The following PPARGC1A variants were observed in gnomAD, a reference collection of about 807,000 sequenced individuals.
The protein encoded by PPARGC1A is peroxisome proliferator-activated receptor gamma coactivator 1-alpha.
Under a neutral mutation model 88.7 loss-of-function variants are expected in PPARGC1A, and 25 were observed. That is an observed-to-expected ratio of 0.28 (90% CI 0.21 to 0.39). PPARGC1A has a LOEUF of 0.39. Ranked by LOEUF, PPARGC1A falls within the 10% of genes least tolerant of loss-of-function variation. The pLI is 1.00. For missense variants in PPARGC1A, 880 were observed against 968.7 expected (o/e 0.91, Z 1.22); for synonymous variants, 363 against 355.6 (o/e 1.02, Z -0.24).
chr4:23,871,511 C>G (rs1048641467), intron 2 of PPARGC1A, among the ~76,000 whole-genome samples: 1 of 152,226 alleles, frequency 6.6e-6, no homozygotes, highest in South Asian at 2.1e-4. Context: ...GCCTATCAGA[C>G]AGCATTGCCT....
chr4:24,043,203 G>C, the PPARGC1A span, among the ~76,000 whole-genome samples: 79 of 152,220 alleles, frequency 5.2e-4, 1 homozygote, highest in African/African-American at 1.7e-3. Flanking sequence ...GCCCAAAGAA[G>C]GGTTCCCTCC....
At chr4:24,178,369 T>C in the PPARGC1A span, among the ~76,000 whole-genome samples, 39 of 152,196 alleles carry the variant, frequency 2.6e-4, no homozygotes, top group Non-Finnish European at 1.0e-4. Context: ...AAATGGCATA[T>C]GGCGATTGGT....
chr4:23,912,914 G>A, the PPARGC1A span, among the ~76,000 whole-genome samples: 56 of 149,468 alleles, frequency 3.7e-4, no homozygotes, highest in Non-Finnish European at 7.4e-4. Flanking sequence ...TCAGCCTCCC[G>A]AGTAGCTGGG....
chr4:23,887,421 T>C (rs1717100059), intron 1 of PPARGC1A, among the ~76,000 whole-genome samples: 1 of 152,204 alleles, frequency 6.6e-6, no homozygotes, highest in Non-Finnish European at 1.5e-5. Context: ...ACTGTCCTCA[T>C]CTGACATGCT....
chr4:24,201,067 A>G, the PPARGC1A span, among the ~76,000 whole-genome samples: 3 of 152,256 alleles, frequency 2.0e-5, no homozygotes, highest in South Asian at 6.2e-4. Flanking sequence ...CAATGAGTAT[A>G]TTATCTGTTA....
At chr4:23,816,533 C>T (rs1722019436) in intron 7 of PPARGC1A, among the ~76,000 whole-genome samples, 1 of 139,610 alleles carries the variant, frequency 7.2e-6, no homozygotes, top group East Asian at 2.0e-4. Context: ...CTTGCAATTC[C>T]CAGCGAGATA....
the PPARGC1A span, among the ~76,000 whole-genome samples, chr4:24,003,078 T>C: frequency 6.6e-6 from 1 of 152,162 alleles, no homozygotes; most frequent in Admixed American, 6.5e-5. Context: ...GTTTGAAAAT[T>C]CAGGCCATGA....
the PPARGC1A span, among the ~76,000 whole-genome samples, chr4:23,932,318 C>T: frequency 2.0e-5 from 3 of 152,206 alleles, no homozygotes; most frequent in Non-Finnish European, 4.4e-5. Flanking sequence ...TGGCTGGGAA[C>T]TATCTAGTCC....
In PPARGC1A at chr4:23,792,036, C is replaced by T. The variant is rs1716725754; in HGVS notation, c.*3786G>A. The T allele has an allele frequency of 6.6e-6, 1 of 152,640 alleles. No homozygotes were observed. Among genetic ancestry groups the T allele is most frequent in the Admixed American group, 6.6e-5 (1 of 15,266 alleles). 9.5% of individuals were successfully genotyped at this position (152,640 alleles called of 1,614,324 possible). A position where few individuals can be genotyped will look rare whatever the true frequency, so the allele number is the denominator to read the frequency against. ...AAAGCAGAAGTAGATTTGAAACATT[C>T]GTTTCCCTTTATTAGCTCAGTGAGG... is the stretch of plus-strand genomic sequence containing the variant. On this transcript the variant is annotated 3_prime_UTR_variant, in exon 13 of 13. Coordinates refer to ENST00000264867, the MANE Select transcript of PPARGC1A (RefSeq NM_013261.5).
the PPARGC1A span, among the ~76,000 whole-genome samples, chr4:24,416,661 C>G: frequency 0.012 from 1,833 of 152,216 alleles, 26 homozygotes; most frequent in African/African-American, 0.042. Context: ...GGAACTGGCC[C>G]GTGGGAGAGG....
chr4:23,897,727 G>A (rs1437632520), intron 1 of PPARGC1A, among the ~76,000 whole-genome samples: 2 of 152,170 alleles, frequency 1.3e-5, no homozygotes, highest in African/African-American at 4.8e-5. Context: ...TCTAGAAAAA[G>A]AATACTAGAG....
At chr4:23,946,316 C>T in the PPARGC1A span, among the ~76,000 whole-genome samples, 2 of 152,128 alleles carry the variant, frequency 1.3e-5, no homozygotes, top group Non-Finnish European at 2.9e-5. Context: ...AAAGCAGGTT[C>T]TATTTTCATA....
the PPARGC1A span, among the ~76,000 whole-genome samples, chr4:24,339,237 T>TACACACACACACACACACACAC: frequency 2.2e-4 from 23 of 104,312 alleles, no homozygotes; most frequent in African/African-American, 8.8e-4. Context: ...TATATATATA[T>TACACACACACACACACACACAC]ACACACACAC....
chr4:24,446,099 A>G, the PPARGC1A span, among the ~76,000 whole-genome samples: 1 of 152,106 alleles, frequency 6.6e-6, no homozygotes, highest in Non-Finnish European at 1.5e-5. Context: ...AAAGACATTC[A>G]TCCATTCAAT....
upstream of PPARGC1A, among the ~76,000 whole-genome samples, chr4:23,901,253 C>T (rs940459213): frequency 2.0e-5 from 3 of 151,910 alleles, no homozygotes. Context: ...ACCTGTAGTC[C>T]CAGCTACTAG....
At chr4:23,948,884 G>C in the PPARGC1A span, among the ~76,000 whole-genome samples, 1 of 152,146 alleles carries the variant, frequency 6.6e-6, no homozygotes, top group Non-Finnish European at 1.5e-5. Context: ...AGATCTAAAA[G>C]GCTAGTGACC....
the PPARGC1A span, among the ~76,000 whole-genome samples, chr4:24,091,971 C>T: frequency 1.0e-4 from 15 of 145,186 alleles, no homozygotes; most frequent in South Asian, 6.4e-4. Context: ...ACACACACAC[C>T]AGAATTTGCA....
At chr4:23,897,903 C>T (rs149300515) in intron 1 of PPARGC1A, among the ~76,000 whole-genome samples, 47 of 152,222 alleles carry the variant, frequency 3.1e-4, no homozygotes, top group African/African-American at 1.1e-3. Context: ...TATGTAAGAC[C>T]GAGTCCCTGC....
At chr4:23,807,377 C>G (rs1417258065) in intron 10 of PPARGC1A, among the ~76,000 whole-genome samples, 1 of 152,102 alleles carries the variant, frequency 6.6e-6, no homozygotes, top group African/African-American at 2.4e-5. Context: ...TTAAATTTGT[C>G]CAAAGTGTCC....
Sources: gnomAD v4.1 joint callset for allele counts (sites outside exome capture counted in the v4.1 genomes callset) on GRCh38, gnomAD v4.1.1 for gene constraint, MANE v1.5 for transcripts, NCBI Gene and HGNC (gene_info 2026-07-23, HGNC 2026-07-21) for gene names.